WBP1L: variants seen among roughly 807,000 people sequenced by gnomAD.
WBP1L encodes the protein WW domain binding protein 1 like.
A neutral mutation model predicts 33.7 loss-of-function variants in WBP1L; 17 were observed. The observed-to-expected ratio is 0.50, with a 90% confidence interval of 0.34 to 0.76. The LOEUF is 0.76. Ranked by LOEUF, WBP1L falls within the 30% of genes least tolerant of loss-of-function variation. WBP1L has a pLI of 0.01. For synonymous variants in WBP1L, 173 were observed against 190.8 expected (o/e 0.91, Z 0.77); for missense variants, 389 against 469.4 (o/e 0.83, Z 1.58).
chr10:102,812,229 A>G (rs1464630746), intron 3 of WBP1L, among the ~76,000 whole-genome samples: 2 of 152,246 alleles, frequency 1.3e-5, no homozygotes, highest in African/African-American at 4.8e-5. Context: ...ACTCTAAGCA[A>G]GAACATGAGA....
intron 1 of WBP1L, among the ~76,000 whole-genome samples, chr10:102,750,792 C>T (rs751580793): frequency 2.0e-5 from 3 of 152,130 alleles, no homozygotes; most frequent in Non-Finnish European, 4.4e-5. Context: ...TGAGCCACCA[C>T]GCCCGGCCCA....
At chr10:102,808,364 T>C (rs1284121065) in intron 2 of WBP1L, among the ~76,000 whole-genome samples, 1 of 150,922 alleles carries the variant, frequency 6.6e-6, no homozygotes, top group Non-Finnish European at 1.5e-5. Flanking sequence ...CCTCATTAAT[T>C]AAAAAAAAAA....
intron 1 of WBP1L, among the ~76,000 whole-genome samples, chr10:102,794,351 C>T (rs965814121): frequency 3.3e-5 from 5 of 152,122 alleles, no homozygotes; most frequent in Admixed American, 1.3e-4. Flanking sequence ...TGGTGGCTCA[C>T]GCCTGTAATC....
At chr10:102,785,149 C>G (rs1843397126) in intron 1 of WBP1L, among the ~76,000 whole-genome samples, 2 of 151,004 alleles carry the variant, frequency 1.3e-5, no homozygotes, top group African/African-American at 2.4e-5. Context: ...GCTGGGATTA[C>G]AGGCGTGAGC....
At chr10:102,753,198 C>T (rs191813675) in intron 1 of WBP1L, among the ~76,000 whole-genome samples, 188 of 152,144 alleles carry the variant, frequency 1.2e-3, no homozygotes, top group Non-Finnish European at 5.1e-4. Flanking sequence ...ATCCTGCCTC[C>T]GCCTCTCAAG....
intron 1 of WBP1L, among the ~76,000 whole-genome samples, chr10:102,784,536 C>T (rs1374172436): frequency 6.6e-6 from 1 of 150,686 alleles, no homozygotes; most frequent in Non-Finnish European, 1.5e-5. Flanking sequence ...CGCCTTTCTC[C>T]TGCCCCAGCC....
At chr10:102,754,815 C>T (rs1432574288) in intron 1 of WBP1L, among the ~76,000 whole-genome samples, 1 of 152,302 alleles carries the variant, frequency 6.6e-6, no homozygotes, top group East Asian at 1.9e-4. Flanking sequence ...AGCGATTCTC[C>T]TGCCTCTGCC....
intron 1 of WBP1L, among the ~76,000 whole-genome samples, chr10:102,792,294 G>T (rs920446364): frequency 6.6e-6 from 1 of 152,238 alleles, no homozygotes; most frequent in Non-Finnish European, 1.5e-5. Flanking sequence ...AAGGCCTCGC[G>T]TAAGCGCATT....
At chr10:102,798,517 C>A (rs11191397) in intron 2 of WBP1L, among the ~76,000 whole-genome samples, 78,783 of 151,824 alleles carry the variant, frequency 0.52, 21,455 homozygotes, top group Middle Eastern at 0.63. Context: ...CTCTGCCTCC[C>A]GAGTTCAACT....
At chr10:102,773,321 T>C (rs1047748810) in intron 1 of WBP1L, among the ~76,000 whole-genome samples, 2 of 152,174 alleles carry the variant, frequency 1.3e-5, no homozygotes, top group Admixed American at 6.5e-5. Flanking sequence ...AGCAGTCACT[T>C]TTTTAGAATA....
chr10:102,748,213 G>A (rs1324420468), intron 1 of WBP1L, among the ~76,000 whole-genome samples: 2 of 151,084 alleles, frequency 1.3e-5, no homozygotes, highest in South Asian at 2.1e-4. Flanking sequence ...CCGAGGTCGC[G>A]CCACTGCACT....
chr10:102,766,645 C>CTCAAA (rs1843114999), intron 1 of WBP1L, among the ~76,000 whole-genome samples: 1 of 151,050 alleles, frequency 6.6e-6, no homozygotes, highest in Non-Finnish European at 1.5e-5. Context: ...CCGGCCTGGC[C>CTCAAA]AACATGGTGA....
At chr10:102,775,906 T>G (rs1337430759) in intron 1 of WBP1L, among the ~76,000 whole-genome samples, 3 of 152,078 alleles carry the variant, frequency 2.0e-5, no homozygotes, top group African/African-American at 7.2e-5. Flanking sequence ...GTTTTCAGCT[T>G]TAGAGACTTG....
At chr10:102,790,382 G>C (rs1190983968) in intron 1 of WBP1L, among the ~76,000 whole-genome samples, 2 of 151,944 alleles carry the variant, frequency 1.3e-5, no homozygotes, top group African/African-American at 4.8e-5. Flanking sequence ...AGATATGCTT[G>C]TATCTTATAG....
chr10:102,810,475 CTCCTTCCTTCCTTCCCTCCTTCCTTCCT>C lies in WBP1L; in HGVS notation c.355+437_355+464del, dbSNP rs1382386461. On this transcript the variant is annotated intron_variant, in intron 3 of 3. Coordinates refer to ENST00000448841, the MANE Select transcript of WBP1L (RefSeq NM_001083913.2). ...TCCCTTCTTTTCCTTCCTTCCTTCC[CTCCTTCCTTCCTTCCCTCCTTCCTTCCT>C]TCCTTCCTTCCTTCCTTCCTTCCTT... Among the ~76,000 whole-genome samples, 47 of 55,682 alleles carry C rather than the reference CTCCTTCCTTCCTTCCCTCCTTCCTTCCT, an allele frequency of 8.4e-4. 1 individual carries two copies. The highest frequency in any genetic ancestry group is 1.5e-3 in the South Asian group (2 of 1,304). 36.5% of individuals were successfully genotyped at this position (55,682 alleles called of 152,430 possible). A position where few individuals can be genotyped will look rare whatever the true frequency, so the allele number is the denominator to read the frequency against.
At position 102,784,173 on chromosome 10, in the gene WBP1L, C is replaced by G. The variant is rs191195632; in HGVS notation, c.91-13820C>G. Among the ~76,000 whole-genome samples, 6 of 152,110 alleles carry G rather than the reference C, an allele frequency of 3.9e-5. No individual in the cohort carries two copies. The East Asian group carries it at 9.7e-4, about 25-fold the overall frequency. On this transcript the variant is annotated intron_variant, in intron 1 of 3. Coordinates refer to ENST00000448841, the MANE Select transcript of WBP1L (RefSeq NM_001083913.2). ...CTTACTCAAATAACCGGGATTACTACCCCCCAGGAGGAGAGGATCTCAGTG... is the reference window on the plus strand; with the variant it reads ...CTTACTCAAATAACCGGGATTACTAGCCCCCAGGAGGAGAGGATCTCAGTG...
rs746338103 is a variant in WBP1L, at chr10:102,744,116, C to T, written c.63C>T (p.Pro21=). Reference sequence around the variant, plus strand: ...TGCTCCTCCAGGCGCTGCCCAGCCCCTTGTCAGCCAGGGCTGAACCCCCGC... The same window carrying T: ...TGCTCCTCCAGGCGCTGCCCAGCCCTTTGTCAGCCAGGGCTGAACCCCCGC... ...ALLLLQALPS[P]LSARAEPPQD... Residue 21 remains proline (P), a synonymous_variant, in exon 1 of 4, where the codon CCC becomes CCT. Transcript: ENST00000448841. 2.2e-5 allele frequency: 34 copies of T among 1,552,942 alleles called. No individual in the cohort carries two copies. The highest frequency in any genetic ancestry group is 2.9e-5 in the Non-Finnish European group (33 of 1,148,172).
At chr10:102,798,431 CCTTT>C (rs1467056389) in intron 2 of WBP1L, among the ~76,000 whole-genome samples, 1 of 151,662 alleles carries the variant, frequency 6.6e-6, no homozygotes, top group Non-Finnish European at 1.5e-5. Context: ...CCCAGGTTTG[CCTTT>C]CTTTTTTTTT....
At chr10:102,802,628 T>A (rs1843674376) in intron 2 of WBP1L, among the ~76,000 whole-genome samples, 1 of 152,150 alleles carries the variant, frequency 6.6e-6, no homozygotes, top group Non-Finnish European at 1.5e-5. Flanking sequence ...CCCAAATAGC[T>A]GGAATTACAG....
Sources: allele counts gnomAD v4.1 joint callset (sites outside exome capture counted in the v4.1 genomes callset), GRCh38; gene constraint gnomAD v4.1.1; transcripts MANE v1.5; gene names NCBI Gene and HGNC (gene_info 2026-07-23, HGNC 2026-07-21).